BDH1: variants seen among roughly 807,000 people sequenced by gnomAD.
BDH1 encodes the protein 3-hydroxybutyrate dehydrogenase 1, also known as D-beta-hydroxybutyrate dehydrogenase, mitochondrial.
BDH1 carries 30 observed loss-of-function variants against 33.1 expected under a neutral mutation model. That is an observed-to-expected ratio of 0.91 (90% CI 0.68 to 1.23). The LOEUF (loss-of-function observed/expected upper bound fraction) is 1.23. Ranked by LOEUF, BDH1 falls within the 50% of genes most tolerant of loss-of-function variation. The pLI, the probability that BDH1 is intolerant of heterozygous loss-of-function variation, is 0.00. For missense variants in BDH1, 443 were observed against 464.4 expected (o/e 0.95, Z 0.42); for synonymous variants, 190 against 183.6 (o/e 1.03, Z -0.28).
intron 6 of BDH1, among the ~76,000 whole-genome samples, chr3:197,519,558 G>A: frequency 6.6e-6 from 1 of 152,042 alleles, no homozygotes; most frequent in East Asian, 1.9e-4. Flanking sequence ...CAGCTCCTCG[G>A]GAGGCTGAGA....
chr3:197,561,640 T>C (rs190816740), intron 1 of BDH1, among the ~76,000 whole-genome samples: 2 of 152,206 alleles, frequency 1.3e-5, no homozygotes, highest in Non-Finnish European at 2.9e-5. Context: ...GTTTTGTTGT[T>C]GTTGTTGTTT....
In BDH1 at chr3:197,525,611, G is replaced by C. The variant is rs1227321177; in HGVS notation, c.268-2830C>G. ...CGCTACCCTCCTATCTTCACTGACA[G>C]ACCCACCCCAGGAACCCTCACCTGC... On this transcript the variant is annotated intron_variant, in intron 5 of 7. Coordinates refer to ENST00000392379, the MANE Select transcript of BDH1 (RefSeq NM_203314.3). This position sits in a 1 kb window ranked among gnomAD's most constrained non-coding sequence, Gnocchi z 4.9. Among the ~76,000 whole-genome samples the C allele has an allele frequency of 6.6e-6, 1 of 152,216 alleles. No individual in the cohort carries two copies. The highest frequency in any genetic ancestry group is 1.5e-5 in the Non-Finnish European group (1 of 68,038).
upstream of BDH1, among the ~76,000 whole-genome samples, chr3:197,557,185 A>C (rs1336972169): frequency 6.6e-6 from 1 of 152,210 alleles, no homozygotes; most frequent in Non-Finnish European, 1.5e-5. The surrounding 1 kb of genome is among the most constrained non-coding windows in gnomAD (Gnocchi z 4.6). Flanking sequence ...TTGATGTCTC[A>C]TGTCTCCCTA....
At chr3:197,539,682 G>A (rs1715435640) in intron 3 of BDH1, among the ~76,000 whole-genome samples, 1 of 152,234 alleles carries the variant, frequency 6.6e-6, no homozygotes, top group South Asian at 2.1e-4. Flanking sequence ...GCACCACCCA[G>A]GTGGACAAAC....
At chr3:197,572,898 T>C (rs574036211) in intron 1 of BDH1, among the ~76,000 whole-genome samples, 1 of 152,220 alleles carries the variant, frequency 6.6e-6, no homozygotes, top group Admixed American at 6.5e-5. Context: ...CAAAACCACA[T>C]GCTTATTTTG....
At chr3:197,546,160 G>A (rs951403338) in intron 3 of BDH1, 2 of 524,398 alleles carry the variant, frequency 3.8e-6, no homozygotes, top group Non-Finnish European at 6.9e-6. Context: ...AAGTGGTTAT[G>A]AAAGATATTC....
At chr3:197,567,283 G>A (rs927265996) in intron 1 of BDH1, among the ~76,000 whole-genome samples, 2 of 152,116 alleles carry the variant, frequency 1.3e-5, no homozygotes, top group Non-Finnish European at 2.9e-5. Context: ...TAAATCTTGG[G>A]GTCCCAAAAT....
Position 197,514,384 on chromosome 3 carries a change from A to C in BDH1, c.442T>G (p.Ser148Ala). ...GTGAACTCCACCTCCCCGAACGTTG[A>C]GATGCCGGCATTGTTAACGAGGCCC... Reference protein sequence around the residue: ...MWGLVNNAGISTFGEVEFTSL... With the variant: ...MWGLVNNAGIATFGEVEFTSL... The change falls in exon 7 of 8, where the codon TCA becomes GCA. Residue 148 changes from serine (S) to alanine (A), a missense_variant. Transcript: ENST00000392379. The surrounding 1 kb of genome is among the most constrained non-coding windows in gnomAD (Gnocchi z 4.2). 6.2e-7 allele frequency: 1 copy of C among 1,612,062 alleles called. No homozygotes were observed. Among genetic ancestry groups the C allele is most frequent in the Non-Finnish European group, 8.5e-7 (1 of 1,178,986 alleles).
rs1399518971 is a variant in BDH1, at chr3:197,522,612, AC to A, written c.409+27del. ...GCCCCTTGGAATGGCCCCATACACAACCCCTGCCGTCCGAAGGGGCGCCCTA... is the reference window on the plus strand; with the variant it reads ...GCCCCTTGGAATGGCCCCATACACAACCCTGCCGTCCGAAGGGGCGCCCTA... On this transcript the variant is annotated intron_variant, in intron 6 of 7. Transcript: ENST00000392379. The surrounding 1 kb of genome is among the most constrained non-coding windows in gnomAD (Gnocchi z 4.8). 1.2e-6 allele frequency: 2 copies of A among 1,612,212 alleles called. No homozygotes were observed. The highest frequency in any genetic ancestry group is 2.7e-5 in the African/African-American group (2 of 74,726).
chr3:197,554,734 A>C lies in BDH1; in HGVS notation c.-195-21T>G, dbSNP rs1022980215. On this transcript the variant is annotated intron_variant, in intron 1 of 7. Transcript: ENST00000392379. This position sits in a 1 kb window ranked among gnomAD's most constrained non-coding sequence, Gnocchi z 4.4. ...ACTGGCTGGAAAAGAAAAAAAAAAAACGCGGAGTTCGACGCCGCGCGCAGC... is the reference window on the plus strand; with the variant it reads ...ACTGGCTGGAAAAGAAAAAAAAAAACCGCGGAGTTCGACGCCGCGCGCAGC... 2 of 151,766 alleles carry C rather than the reference A, an allele frequency of 1.3e-5. No homozygotes were observed. Among genetic ancestry groups the C allele is most frequent in the Admixed American group, 6.5e-5 (1 of 15,270 alleles). The allele number at this position is 151,766 out of a possible 1,614,324, so 9.4% of individuals were successfully genotyped here.
At chr3:197,571,492 T>C (rs1020573229) in intron 1 of BDH1, among the ~76,000 whole-genome samples, 8 of 152,298 alleles carry the variant, frequency 5.3e-5, no homozygotes, top group Non-Finnish European at 7.3e-5. Context: ...TGGGAGATAA[T>C]TGAATTGTTG....
chr3:197,568,664 C>G (rs1717510360), intron 1 of BDH1, among the ~76,000 whole-genome samples: 2 of 151,968 alleles, frequency 1.3e-5, no homozygotes, highest in South Asian at 4.2e-4. Context: ...TAAGCACAAG[C>G]ATTTTGTGCA....
rs200069349 is a variant in BDH1, at chr3:197,532,366, G to A, written c.267+46C>T. Reference sequence around the variant, plus strand: ...ACTTTTTAAAAGACTAAAAAACAATGACTATGTGTAAAAGACAATGGTGAA... The same window carrying A: ...ACTTTTTAAAAGACTAAAAAACAATAACTATGTGTAAAAGACAATGGTGAA... On this transcript the variant is annotated intron_variant, in intron 5 of 7. Coordinates refer to ENST00000392379, the MANE Select transcript of BDH1 (RefSeq NM_203314.3). 1.6e-5 allele frequency: 25 copies of A among 1,529,934 alleles called. No individual in the cohort carries two copies. The South Asian group carries it at 2.6e-4, about 16-fold the overall frequency. The allele number at this position is 1,529,934 out of a possible 1,614,324, so 94.8% of individuals were successfully genotyped here. A position where few individuals can be genotyped will look rare whatever the true frequency, so the allele number is the denominator to read the frequency against.
rs147843919 is a variant in BDH1, at chr3:197,569,784, T to C, written c.-44+3397A>G. On this transcript the variant is annotated intron_variant, in intron 1 of 6. Transcript: ENST00000358186. ...AGTCCATTAAACCTCTTTTTCTTTATAAATTACTCAGTCTTGGGTATGCCT... is the reference window on the plus strand; with the variant it reads ...AGTCCATTAAACCTCTTTTTCTTTACAAATTACTCAGTCTTGGGTATGCCT... 3.3e-3 allele frequency among the ~76,000 whole-genome samples: 502 copies of C among 152,322 alleles called. 4 individuals are homozygous for C. Among genetic ancestry groups the C allele is most frequent in the African/African-American group, 0.012 (483 of 41,568 alleles).
At chr3:197,547,776 C>A (rs140872609) in intron 2 of BDH1, among the ~76,000 whole-genome samples, 4 of 152,334 alleles carry the variant, frequency 2.6e-5, no homozygotes, top group Middle Eastern at 3.4e-3. Flanking sequence ...TTGCTCACTG[C>A]GTCGCAGCCA....
chr3:197,563,744 C>G (rs1033179046), intron 1 of BDH1, among the ~76,000 whole-genome samples: 9 of 151,842 alleles, frequency 5.9e-5, no homozygotes, highest in Admixed American at 2.0e-4. Flanking sequence ...TTGTCTAATT[C>G]AAAGCTTATT....
In BDH1 at chr3:197,532,216, A is replaced by AGGAT. The variant is rs1380657708; in HGVS notation, c.267+192_267+195dup. On this transcript the variant is annotated intron_variant, in intron 5 of 7. Transcript: ENST00000392379. ...ATTTGACGAATGATGGATAGATGAG[A>AGGAT]GGATGGATGGATGGATGGATGCATG... Among the ~76,000 whole-genome samples, 12 of 152,130 alleles carry AGGAT rather than the reference A, an allele frequency of 7.9e-5. 1 individual carries two copies. The highest frequency in any genetic ancestry group is 5.2e-4 in the Admixed American group (8 of 15,270).
At position 197,521,698 on chromosome 3, in the gene BDH1, G is replaced by A. The variant is rs1370520205; in HGVS notation, c.409+942C>T. Among the ~76,000 whole-genome samples the A allele has an allele frequency of 1.3e-5, 2 of 152,070 alleles. No individual in the cohort carries two copies. Among genetic ancestry groups the A allele is most frequent in the Non-Finnish European group, 2.9e-5 (2 of 68,012 alleles). On this transcript the variant is annotated intron_variant, in intron 6 of 7. Coordinates refer to ENST00000392379, the MANE Select transcript of BDH1 (RefSeq NM_203314.3). The surrounding 1 kb of genome is among the most constrained non-coding windows in gnomAD (Gnocchi z 4.9). ...CAGGTGTCCAGGACAGAGACTTCGC[G>A]CCTCACCTCATCCCCACATCCAAGT...
In BDH1 at chr3:197,520,462, G is replaced by A. The variant is rs919944297; in HGVS notation, c.409+2178C>T. Among the ~76,000 whole-genome samples the A allele has an allele frequency of 3.9e-5, 6 of 152,158 alleles. No homozygotes were observed. The highest frequency in any genetic ancestry group is 1.3e-4 in the Admixed American group (2 of 15,284). On this transcript the variant is annotated intron_variant, in intron 6 of 7. Transcript: ENST00000392379. The surrounding 1 kb of genome is among the most constrained non-coding windows in gnomAD (Gnocchi z 6.0). ...TGAGTGCCTCCCCTCTGTGTGGGCCGGGGCCCACCCTGCCTTGTAGGTTAG... is the reference window on the plus strand; with the variant it reads ...TGAGTGCCTCCCCTCTGTGTGGGCCAGGGCCCACCCTGCCTTGTAGGTTAG...
Sources: allele counts gnomAD v4.1 joint callset (sites outside exome capture counted in the v4.1 genomes callset), GRCh38; gene constraint gnomAD v4.1.1; non-coding constraint Gnocchi (gnomAD v3.1); transcripts MANE v1.5; gene names NCBI Gene and HGNC (gene_info 2026-07-23, HGNC 2026-07-21).